Variants in COX10 observed in about 807,000 individuals in gnomAD.
COX10 encodes protoheme IX farnesyltransferase, mitochondrial.
A neutral mutation model predicts 37.3 loss-of-function variants in COX10; 27 were observed. The ratio of observed to expected loss-of-function variants is 0.72; its 90% CI spans 0.53 to 1.00. The LOEUF (loss-of-function observed/expected upper bound fraction) is 1.00. COX10 is among the 50% of genes least tolerant of loss of function. COX10 has a pLI of 0.00. For synonymous variants in COX10, 222 were observed against 229.1 expected (o/e 0.97, Z 0.28); for missense variants, 475 against 563.2 (o/e 0.84, Z 1.59).
chr17:14,098,855 A>C (rs1165638594), intron 3 of COX10, among the ~76,000 whole-genome samples: 1 of 152,026 alleles, frequency 6.6e-6, no homozygotes, highest in Admixed American at 6.6e-5. Context: ...CCTCTGCTCC[A>C]TGTGATTCTT....
intron 3 of COX10, among the ~76,000 whole-genome samples, chr17:14,077,541 G>C (rs1915185204): frequency 1.3e-5 from 2 of 152,182 alleles, no homozygotes; most frequent in Non-Finnish European, 2.9e-5. Flanking sequence ...TTCCTGAAAG[G>C]AGATTTGGAA....
intron 3 of COX10, 152 bp downstream of exon 3, chr17:14,077,208 T>C: frequency 1.4e-6 from 1 of 695,224 alleles, no homozygotes; most frequent in Non-Finnish European, 2.4e-6. Flanking sequence ...GGATTTGAAA[T>C]TAAATTTTCT....
chr17:14,074,926 A>T, intron 2 of COX10, among the ~76,000 whole-genome samples: 1 of 152,346 alleles, frequency 6.6e-6, no homozygotes, highest in Admixed American at 6.5e-5. Context: ...ATAATTTTCT[A>T]GCATTTTATA....
At chr17:14,167,897 C>T (rs1905337188) in intron 5 of COX10, among the ~76,000 whole-genome samples, 1 of 152,194 alleles carries the variant, frequency 6.6e-6, no homozygotes, top group Non-Finnish European at 1.5e-5. Flanking sequence ...CCTGGCTCCT[C>T]CCAAATCTCA....
rs1160248579 is a variant in COX10 at position 14,076,789 on chromosome 17, C to T, written c.232C>T (p.Pro78Ser). 6.2e-7 allele frequency: 1 copy of T among 1,614,034 alleles called. No homozygotes were observed. Among genetic ancestry groups the T allele is most frequent in the Non-Finnish European group, 8.5e-7 (1 of 1,180,028 alleles). ...HNQQVRPKPE[P>S]VASPFLEKTS... is the part of the protein sequence containing the mutation. ...CCAGCAAGTAAGACCCAAGCCAGAA[C>T]CAGTAGCATCTCCTTTCCTTGAAAA... The change falls in exon 3 of 7, where the codon CCA (proline) becomes TCA (serine). Residue 78 changes from proline (P) to serine (S), a missense_variant. By Grantham distance (74) the Pro-to-Ser change is moderately conservative. Transcript: ENST00000261643.
chr17:14,079,874 AT>A (rs1915243537), intron 3 of COX10, among the ~76,000 whole-genome samples: 1 of 151,460 alleles, frequency 6.6e-6, no homozygotes, highest in Non-Finnish European at 1.5e-5. Context: ...GTATGTATGT[AT>A]GTATACACAC....
At chr17:14,106,006 TG>T (rs1227259814) in intron 4 of COX10, among the ~76,000 whole-genome samples, 1 of 53,360 alleles carries the variant, frequency 1.9e-5, no homozygotes, top group Non-Finnish European at 3.6e-5. Flanking sequence ...TGGTATAGCA[TG>T]TTTTTTTGTT....
At chr17:14,116,972 TGG>T (rs1436228990) in intron 4 of COX10, among the ~76,000 whole-genome samples, 2 of 152,340 alleles carry the variant, frequency 1.3e-5, no homozygotes, top group African/African-American at 4.8e-5. Context: ...CTTCACACAC[TGG>T]TCAACACATT....
chr17:14,175,099 G>GGGGGGGGGGGGGGGGGGGT (rs1567608099), intron 5 of COX10, among the ~76,000 whole-genome samples: 1 of 43,690 alleles, frequency 2.3e-5, no homozygotes. Context: ...GGGGGGGGGT[G>GGGGGGGGGGGGGGGGGGGT]GATAGGAGGG....
chr17:14,184,408 G>T (rs1441780192), intron 5 of COX10, among the ~76,000 whole-genome samples: 1 of 152,182 alleles, frequency 6.6e-6, no homozygotes, highest in East Asian at 1.9e-4. Context: ...ATAATAAAAA[G>T]TATTAAAGTA....
rs1228151200 is a variant in COX10, at chr17:14,207,045, C to T, written c.1164C>T (p.Ile388=). The part of the protein sequence containing the change: ...TWTFPIMALP[I]NAYISYLGFR... ...CCTTCCCCATCATGGCCCTTCCCAT[C>T]AATGCGTACATCTCCTACCTCGGCT... The change falls in exon 7 of 7, where the codon ATC becomes ATT. Residue 388 remains isoleucine, a synonymous_variant. Transcript: ENST00000261643. The T allele has an allele frequency of 1.7e-5, 28 of 1,613,960 alleles. No homozygotes were observed. The highest frequency in any genetic ancestry group is 2.3e-5 in the Non-Finnish European group (27 of 1,179,936).
chr17:14,092,377 A>G (rs1047651161), intron 3 of COX10, among the ~76,000 whole-genome samples: 21 of 152,140 alleles, frequency 1.4e-4, no homozygotes, highest in African/African-American at 4.1e-4. Context: ...CTTTCAGTCT[A>G]ACTTTCATCA....
chr17:14,171,214 A>T (rs1479992602), intron 5 of COX10, among the ~76,000 whole-genome samples: 1 of 152,194 alleles, frequency 6.6e-6, no homozygotes, highest in Non-Finnish European at 1.5e-5. Flanking sequence ...AGTGTTGTCT[A>T]TGTAGAAAAG....
intron 4 of COX10, among the ~76,000 whole-genome samples, chr17:14,118,753 A>G (rs774041965): frequency 1.3e-5 from 2 of 152,096 alleles, no homozygotes; most frequent in African/African-American, 2.4e-5. Context: ...AAAAATTTAG[A>G]TCTGTATCTG....
At position 14,088,797 on chromosome 17, in the gene COX10, A is replaced by C. The variant is rs558322474; in HGVS notation, c.499+11741A>C. On this transcript the variant is annotated intron_variant, in intron 3 of 6. Transcript: ENST00000261643. ...TAAGGATGTTGCCAACATACCTGGTACCTTCTTTGTCTGTTATCATTAGCT... is the reference window on the plus strand; with the variant it reads ...TAAGGATGTTGCCAACATACCTGGTCCCTTCTTTGTCTGTTATCATTAGCT... Among the ~76,000 whole-genome samples, 16 of 152,270 alleles carry C rather than the reference A, an allele frequency of 1.1e-4. No individual in the cohort carries two copies. In the South Asian group the frequency reaches 1.2e-3, roughly 12 times the overall value.
intron 3 of COX10, among the ~76,000 whole-genome samples, chr17:14,083,478 C>A (rs1261681424): frequency 6.6e-6 from 1 of 152,182 alleles, no homozygotes; most frequent in East Asian, 1.9e-4. Flanking sequence ...TGATCACTTT[C>A]ATAGAACTAG....
intron 4 of COX10, among the ~76,000 whole-genome samples, chr17:14,152,580 T>C (rs1210429914): frequency 6.6e-6 from 1 of 152,080 alleles, no homozygotes; most frequent in Non-Finnish European, 1.5e-5. Flanking sequence ...AGTTAAGCAA[T>C]CTGTGAGGCT....
chr17:14,135,957 T>C (rs979019448), intron 4 of COX10, among the ~76,000 whole-genome samples: 1 of 152,020 alleles, frequency 6.6e-6, no homozygotes, highest in Non-Finnish European at 1.5e-5. Context: ...TCTTCAGGCA[T>C]TTTTAATTTT....
chr17:14,201,513 A>G (rs1398619308), intron 6 of COX10, among the ~76,000 whole-genome samples: 3 of 152,222 alleles, frequency 2.0e-5, no homozygotes, highest in Non-Finnish European at 2.9e-5. Flanking sequence ...AAGCAGAAGC[A>G]TTACTGAAAA....
Sources: gnomAD v4.1 joint callset for allele counts (sites outside exome capture counted in the v4.1 genomes callset) on GRCh38, gnomAD v4.1.1 for gene constraint, MANE v1.5 for transcripts, NCBI Gene and HGNC (gene_info 2026-07-23, HGNC 2026-07-21) for gene names.